Variants in DPYSL4 observed in about 807,000 individuals in gnomAD.
DPYSL4 encodes the protein dihydropyrimidinase like 4, also known as dihydropyrimidinase-related protein 4.
DPYSL4 carries 43 observed loss-of-function variants against 63.4 expected under a neutral mutation model. The ratio of observed to expected loss-of-function variants is 0.68; its 90% CI spans 0.53 to 0.88. The LOEUF is 0.88. Ranked by LOEUF, DPYSL4 falls within the 40% of genes least tolerant of loss-of-function variation. The probability of loss-of-function intolerance (pLI) is 0.00; values close to 1 mark genes in which losing one functional copy is unlikely to be tolerated. For synonymous variants in DPYSL4, 353 were observed against 331.7 expected (o/e 1.06, Z -0.70); for missense variants, 733 against 819.5 (o/e 0.89, Z 1.29).
chr10:132,190,079 C>T (rs2061853377), intron 1 of DPYSL4, among the ~76,000 whole-genome samples: 1 of 152,376 alleles, frequency 6.6e-6, no homozygotes, highest in Non-Finnish European at 1.5e-5. Context: ...CACCCTGGCC[C>T]CAGAGGTCCT....
intron 6 of DPYSL4, 24 bp from the exon 7 acceptor site, chr10:132,198,391 G>A (rs541677622): frequency 2.5e-5 from 40 of 1,597,246 alleles, no homozygotes; most frequent in East Asian, 9.0e-5. Flanking sequence ...GGCTTGGAGC[G>A]AGGCATCCTG....
intron 1 of DPYSL4, among the ~76,000 whole-genome samples, chr10:132,189,102 C>T (rs534643110): frequency 9.8e-5 from 15 of 152,362 alleles, no homozygotes; most frequent in African/African-American, 3.6e-4. Flanking sequence ...ACTGACGGTG[C>T]GTGAAGGCTC....
chr10:132,196,158 G>A (rs1301929090), intron 4 of DPYSL4, among the ~76,000 whole-genome samples: 1 of 152,232 alleles, frequency 6.6e-6, no homozygotes, highest in Non-Finnish European at 1.5e-5. Context: ...GAGATGCCAT[G>A]GGTTGGGTGG....
intron 3 of DPYSL4, among the ~76,000 whole-genome samples, chr10:132,193,251 C>T (rs1288744695): frequency 6.6e-6 from 1 of 152,220 alleles, no homozygotes; most frequent in Admixed American, 6.5e-5. Flanking sequence ...GGTTCTTGCT[C>T]ATGTCAAGAA....
chr10:132,189,264 T>C (rs928615560), intron 1 of DPYSL4, among the ~76,000 whole-genome samples: 2 of 152,238 alleles, frequency 1.3e-5, no homozygotes, highest in Non-Finnish European at 2.9e-5. Flanking sequence ...GGGAAAAGCG[T>C]TGCCGAGTCC....
At chr10:132,195,578 G>A (rs1430966109) in intron 4 of DPYSL4, among the ~76,000 whole-genome samples, 1 of 152,194 alleles carries the variant, frequency 6.6e-6, no homozygotes, top group Non-Finnish European at 1.5e-5. Flanking sequence ...CCAGGAGCCT[G>A]TCAAGGCCCT....
chr10:132,199,408 G>C (rs112846916), intron 8 of DPYSL4, among the ~76,000 whole-genome samples: 1 of 151,934 alleles, frequency 6.6e-6, no homozygotes. Context: ...AGGCCTGGGC[G>C]GGGGGGTGCC....
chr10:132,201,083 G>A (rs1450429472), intron 10 of DPYSL4, 100 bp downstream of exon 10: 18 of 1,487,378 alleles, frequency 1.2e-5, no homozygotes, highest in Admixed American at 4.2e-5. Context: ...GTGCACACTC[G>A]TGAAACAGAT....
chr10:132,195,650 T>C (rs2061933516), intron 4 of DPYSL4, among the ~76,000 whole-genome samples: 1 of 152,200 alleles, frequency 6.6e-6, no homozygotes, highest in Non-Finnish European at 1.5e-5. Context: ...GGGGCATTTC[T>C]TCAAGGCCAT....
intron 4 of DPYSL4, among the ~76,000 whole-genome samples, chr10:132,196,364 G>T (rs1198605998): frequency 1.3e-5 from 2 of 152,252 alleles, no homozygotes; most frequent in African/African-American, 4.8e-5. Flanking sequence ...CCTGAGATCT[G>T]GGTGGTCCCA....
In DPYSL4 at chr10:132,204,728, C is replaced by A. The variant is rs1347997706; in HGVS notation, c.1628-111C>A. On this transcript the variant is annotated intron_variant, in intron 13 of 13. Coordinates refer to ENST00000338492, the MANE Select transcript of DPYSL4 (RefSeq NM_006426.3). The stretch of plus-strand genomic sequence containing the variant: ...TCTGGTGGTGGCAGGTGTGCGGGGG[C>A]TCTGCAGTCCTGGCCCCACTGACGC... The A allele has an allele frequency of 4.6e-6, 4 of 863,860 alleles. No individual in the cohort carries two copies. In the Admixed American group the frequency reaches 1.1e-4, roughly 23 times the overall value. 53.5% of individuals were successfully genotyped at this position (863,860 alleles called of 1,614,324 possible).
chr10:132,187,764 A>G (rs952708928), intron 1 of DPYSL4, among the ~76,000 whole-genome samples: 4 of 152,110 alleles, frequency 2.6e-5, no homozygotes, highest in African/African-American at 7.2e-5. Context: ...CAGCCCCTGA[A>G]CCTTCGAGAG....
chr10:132,201,525 G>T (rs1213838483), intron 10 of DPYSL4, among the ~76,000 whole-genome samples: 1 of 152,254 alleles, frequency 6.6e-6, no homozygotes, highest in East Asian at 1.9e-4. Context: ...ATGCAGAAAG[G>T]CTTCGCCCAG....
intron 3 of DPYSL4, among the ~76,000 whole-genome samples, chr10:132,194,364 G>A (rs570018766): frequency 4.3e-4 from 65 of 152,374 alleles, no homozygotes; most frequent in African/African-American, 1.5e-3. Flanking sequence ...GCAGGGGGCA[G>A]GATGGCCCCT....
rs542303105 is a variant in DPYSL4, at chr10:132,189,533, C to T, written c.40-1214C>T. On this transcript the variant is annotated intron_variant, in intron 1 of 13. Transcript: ENST00000338492. Reference sequence around the variant, plus strand: ...CCAGGGCTGACCTACAAAGAGCGGGCCTCACCAGCCTGACGCTCTGTGTCC... The same window carrying T: ...CCAGGGCTGACCTACAAAGAGCGGGTCTCACCAGCCTGACGCTCTGTGTCC... 6.6e-5 allele frequency among the ~76,000 whole-genome samples: 10 copies of T among 152,290 alleles called. No individual in the cohort carries two copies. The South Asian group carries it at 2.1e-3, about 32-fold the overall frequency.
At position 132,205,610 on chromosome 10, in the gene DPYSL4, C is replaced by T. The variant is rs2062087648; in HGVS notation, c.*680C>T. On this transcript the variant is annotated 3_prime_UTR_variant, in exon 14 of 14. Coordinates refer to ENST00000338492, the MANE Select transcript of DPYSL4 (RefSeq NM_006426.3). ...TTAGGAAGACACTGTCCTCTTATTACAGATTGTGTATTTCCGTAGGCTTCT... is the reference window on the plus strand; with the variant it reads ...TTAGGAAGACACTGTCCTCTTATTATAGATTGTGTATTTCCGTAGGCTTCT... 1 of 152,434 alleles carries T rather than the reference C, an allele frequency of 6.6e-6. No individual in the cohort carries two copies. Among genetic ancestry groups the T allele is most frequent in the African/African-American group, 2.4e-5 (1 of 41,470 alleles). 9.4% of individuals were successfully genotyped at this position (152,434 alleles called of 1,614,324 possible).
At position 132,190,812 on chromosome 10, in the gene DPYSL4, G is replaced by A; in HGVS notation, c.105G>A (p.Val35=). ...VNDDQSFYAD[V]HVEDGLIKQI... ...ACGACCAGTCCTTTTACGCTGATGT[G>A]CACGTGGAAGATGGCTTGATAAAGT... The change falls in exon 2 of 14, where the codon GTG becomes GTA. Residue 35 remains valine (V), a synonymous_variant. Transcript: ENST00000338492. The A allele has an allele frequency of 6.2e-7, 1 of 1,613,588 alleles. No homozygotes were observed. The highest frequency in any genetic ancestry group is 2.2e-5 in the East Asian group (1 of 44,862).
intron 1 of DPYSL4, among the ~76,000 whole-genome samples, chr10:132,190,071 C>T (rs2061853286): frequency 1.3e-5 from 2 of 152,244 alleles, no homozygotes; most frequent in African/African-American, 2.4e-5. Context: ...GTATCAGCCA[C>T]CCTGGCCCCA....
At chr10:132,191,509 GATGAACATAGTTCCCAGCTC>G (rs2061876788) in intron 2 of DPYSL4, among the ~76,000 whole-genome samples, 2 of 95,942 alleles carry the variant, frequency 2.1e-5, no homozygotes, top group South Asian at 7.9e-4. Context: ...TATCCAGGCA[GATGAACATAGTTCCCAGCTC>G]GTGTGTACAC....
Sources: gnomAD v4.1 joint callset for allele counts (sites outside exome capture counted in the v4.1 genomes callset) on GRCh38, gnomAD v4.1.1 for gene constraint, MANE v1.5 for transcripts, NCBI Gene and HGNC (gene_info 2026-07-23, HGNC 2026-07-21) for gene names.